Variants in RAB11FIP5 observed in about 807,000 individuals in gnomAD.
RAB11FIP5 encodes the protein RAB11 family interacting protein 5, also known as rab11 family-interacting protein 5.
RAB11FIP5 carries 48 observed loss-of-function variants against 85.1 expected under a neutral mutation model. The observed-to-expected ratio is 0.56, with a 90% CI of 0.45 to 0.72. The LOEUF is 0.72. Among genes scored for constraint, RAB11FIP5 ranks in the 30% least tolerant of loss-of-function variants. The probability of loss-of-function intolerance (pLI) is 0.00; values close to 1 mark genes in which losing one functional copy is unlikely to be tolerated. For synonymous variants in RAB11FIP5, 729 were observed against 727.3 expected (o/e 1.00, Z -0.04); for missense variants, 1,491 against 1,687.0 (o/e 0.88, Z 2.04).
At chr2:73,090,832 TA>T (rs1392176510) in intron 1 of RAB11FIP5, among the ~76,000 whole-genome samples, 1 of 152,200 alleles carries the variant, frequency 6.6e-6, no homozygotes, top group Non-Finnish European at 1.5e-5. Context: ...CATGCATTGT[TA>T]TACACCCACA....
At chr2:73,100,741 A>G (rs1306006853) in intron 1 of RAB11FIP5, among the ~76,000 whole-genome samples, 1 of 151,834 alleles carries the variant, frequency 6.6e-6, no homozygotes, top group East Asian at 1.9e-4. Flanking sequence ...CTGAAAAATA[A>G]TGGCCAAGAA....
In RAB11FIP5 at chr2:73,075,917, C is replaced by T; in HGVS notation, c.3771+76G>A. The T allele has an allele frequency of 6.5e-7, 1 of 1,534,498 alleles. No homozygotes were observed. The highest frequency in any genetic ancestry group is 1.2e-5 in the South Asian group (1 of 80,836). On this transcript the variant is annotated intron_variant, in intron 5 of 5. Transcript: ENST00000486777. This position sits in a 1 kb window ranked among gnomAD's most constrained non-coding sequence, Gnocchi z 4.6. ...GGGGGACCTGGCCTGCTCCCTGCCCCACCCTCACCAGGACCAAGCCCTGAG... is the reference window on the plus strand; with the variant it reads ...GGGGGACCTGGCCTGCTCCCTGCCCTACCCTCACCAGGACCAAGCCCTGAG...
At position 73,080,181 on chromosome 2, in the gene RAB11FIP5, G is replaced by A; in HGVS notation, c.3051C>T (p.His1017=). 8.1e-7 allele frequency: 1 copy of A among 1,232,262 alleles called. No individual in the cohort carries two copies. Among genetic ancestry groups the A allele is most frequent in the East Asian group, 3.2e-5 (1 of 31,680 alleles). 76.3% of individuals were successfully genotyped at this position (1,232,262 alleles called of 1,614,324 possible). A position where few individuals can be genotyped will look rare whatever the true frequency, so the allele number is the denominator to read the frequency against. The change falls in exon 4 of 6, where the codon CAC becomes CAT. Residue 1017 remains histidine (H), a synonymous_variant. Transcript: ENST00000486777. ...HSKSLALQSQ[H]IWGTPEVGEG... ...CTCCAACCTCTGGAGTCCCCCAGATGTGCTGACTCTGAAGAGCCAAGCTCT... is the reference window on the plus strand; with the variant it reads ...CTCCAACCTCTGGAGTCCCCCAGATATGCTGACTCTGAAGAGCCAAGCTCT...
At chr2:73,112,317 C>T (rs767888107) in intron 1 of RAB11FIP5, 30 bp downstream of exon 1, 55 of 1,543,664 alleles carry the variant, frequency 3.6e-5, no homozygotes, top group Non-Finnish European at 4.8e-5. Context: ...GGCCTTTAGC[C>T]GTTTCTGTGC....
intron 1 of RAB11FIP5, among the ~76,000 whole-genome samples, chr2:73,099,785 C>G (rs1465194437): frequency 1.3e-5 from 2 of 152,200 alleles, no homozygotes; most frequent in Non-Finnish European, 2.9e-5. Context: ...TGGTCCCCAC[C>G]TGAGCCTCAC....
chr2:73,088,621 G>A lies in RAB11FIP5; in HGVS notation c.997C>T (p.Arg333Cys), dbSNP rs140054897. The A allele has an allele frequency of 1.4e-5, 22 of 1,613,250 alleles. No homozygotes were observed. The highest frequency in any genetic ancestry group is 9.3e-5 in the African/African-American group (7 of 74,958). The change falls in exon 3 of 6, where the codon CGC (arginine) becomes TGC (cysteine). Residue 333 changes from arginine to cysteine, a missense_variant. By Grantham distance (180) the Arg-to-Cys change is radical. Coordinates refer to ENST00000486777, the MANE Select transcript of RAB11FIP5 (RefSeq NM_001371272.1). Reference sequence around the variant, plus strand: ...CTCCCATTGACACAGAGCGAAGAGCGGGAGGCAGCATCCAGGTGGCCCTGA... The same window carrying A: ...CTCCCATTGACACAGAGCGAAGAGCAGGAGGCAGCATCCAGGTGGCCCTGA... ...DLQGHLDAASRSSLCVNGSHI... is the reference protein window; with the variant it reads ...DLQGHLDAASCSSLCVNGSHI...
At chr2:73,100,639 T>C (rs1381706078) in intron 1 of RAB11FIP5, among the ~76,000 whole-genome samples, 2 of 152,124 alleles carry the variant, frequency 1.3e-5, no homozygotes, top group African/African-American at 2.4e-5. Context: ...TTGGCCAGGC[T>C]GGTCTTGAAC....
At chr2:73,112,326 G>GC (rs773022227) in intron 1 of RAB11FIP5, 21 bp downstream of exon 1, 8 of 1,550,788 alleles carry the variant, frequency 5.2e-6, no homozygotes, top group Admixed American at 2.0e-5. Context: ...CCGTTTCTGT[G>GC]CCCCCGCGCC....
chr2:73,103,723 T>C (rs1684471973), intron 1 of RAB11FIP5, among the ~76,000 whole-genome samples: 1 of 152,174 alleles, frequency 6.6e-6, no homozygotes, highest in Non-Finnish European at 1.5e-5. Context: ...GATGTGGGTT[T>C]ATTGTCTATC....
Position 73,109,984 on chromosome 2 carries a change from T to C in RAB11FIP5, c.431+2363A>G, listed in dbSNP as rs1684607674. 2.0e-5 allele frequency among the ~76,000 whole-genome samples: 3 copies of C among 152,202 alleles called. No homozygotes were observed. In the South Asian group the frequency reaches 6.2e-4, roughly 32 times the overall value. ...CATATGAAGGTATAAATTATCTCCATTTTACAGACGTGAAAACTGAGGCAC... is the reference window on the plus strand; with the variant it reads ...CATATGAAGGTATAAATTATCTCCACTTTACAGACGTGAAAACTGAGGCAC... On this transcript the variant is annotated intron_variant, in intron 1 of 5. Coordinates refer to ENST00000486777, the MANE Select transcript of RAB11FIP5 (RefSeq NM_001371272.1).
chr2:73,100,791 T>C (rs1684414582), intron 1 of RAB11FIP5, among the ~76,000 whole-genome samples: 1 of 151,320 alleles, frequency 6.6e-6, no homozygotes, highest in Non-Finnish European at 1.5e-5. Flanking sequence ...TTTTTGGTTG[T>C]GTTTTTTTGT....
chr2:73,102,517 G>A (rs1009294612), intron 1 of RAB11FIP5, among the ~76,000 whole-genome samples: 2 of 152,232 alleles, frequency 1.3e-5, no homozygotes, highest in African/African-American at 4.8e-5. Context: ...GCCTGAACTA[G>A]GACAGGAACA....
At chr2:73,110,236 G>A (rs1574307688) in intron 1 of RAB11FIP5, among the ~76,000 whole-genome samples, 1 of 152,324 alleles carries the variant, frequency 6.6e-6, no homozygotes, top group Non-Finnish European at 1.5e-5. Flanking sequence ...GTACACCCTG[G>A]TCTTCTCTGC....
chr2:73,112,671 G>C lies in RAB11FIP5; in HGVS notation c.107C>G (p.Ser36Trp). ...LRARGLRGKS[S>W]GAGSTSDAYT... ...CGCGTCGCTGGTGCTGCCCGCTCCC[G>C]AGCTCTTGCCCCGCAGCCCGCGGGC... The change falls in exon 1 of 6, where the codon TCG becomes TGG. Residue 36 changes from serine to tryptophan, a missense_variant. This residue lies in a region of RAB11FIP5 where 1,211 missense variants were observed against 1,338.0 expected (regional missense o/e 0.91). Coordinates refer to ENST00000486777, the MANE Select transcript of RAB11FIP5 (RefSeq NM_001371272.1). 6.3e-7 allele frequency: 1 copy of C among 1,593,472 alleles called. No homozygotes were observed. Among genetic ancestry groups the C allele is most frequent in the East Asian group, 2.3e-5 (1 of 43,328 alleles).
Position 73,075,791 on chromosome 2 carries a change from C to CGCTT in RAB11FIP5, c.3772-68_3772-67insAAGC. On this transcript the variant is annotated intron_variant, in intron 5 of 5. Coordinates refer to ENST00000486777, the MANE Select transcript of RAB11FIP5 (RefSeq NM_001371272.1). This position sits in a 1 kb window ranked among gnomAD's most constrained non-coding sequence, Gnocchi z 4.6. Reference sequence around the variant, plus strand: ...CTGCCTGCCTGCCTGCCCGCTTGCCCGCCCGCCCGCCTGCCCACCAACACC... The same window carrying CGCTT: ...CTGCCTGCCTGCCTGCCCGCTTGCCCGCTTGCCCGCCCGCCTGCCCACCAACACC... The CGCTT allele has an allele frequency of 6.8e-7, 1 of 1,478,992 alleles. No individual in the cohort carries two copies. Among genetic ancestry groups the CGCTT allele is most frequent in the Non-Finnish European group, 9.1e-7 (1 of 1,093,344 alleles). The allele number at this position is 1,478,992 out of a possible 1,614,324, so 91.6% of individuals were successfully genotyped here. A position where few individuals can be genotyped will look rare whatever the true frequency, so the allele number is the denominator to read the frequency against.
chr2:73,080,122 T>A lies in RAB11FIP5; in HGVS notation c.3110A>T (p.Asp1037Val). Reference protein sequence around the residue: ...GPEAPEAQGQDPVGEGLGSLS... With the variant: ...GPEAPEAQGQVPVGEGLGSLS... ...GGACCCAAGCCCCTCTCCTACTGGA[T>A]CCTGGCCCTGGGCCTCAGGAGCCTC... Residue 1037 changes from aspartate to valine, a missense_variant, in exon 4 of 6, where the codon GAT (aspartate) becomes GTT (valine). By Grantham distance (152) the Asp-to-Val change is radical. Around this residue, in one of 3 missense-constraint regions of RAB11FIP5, gnomAD observed 1,211 missense variants for 1,338.0 expected, o/e 0.91. Coordinates refer to ENST00000486777, the MANE Select transcript of RAB11FIP5 (RefSeq NM_001371272.1). The A allele has an allele frequency of 6.5e-6, 8 of 1,232,148 alleles. No homozygotes were observed. Among genetic ancestry groups the A allele is most frequent in the Non-Finnish European group, 8.1e-6 (8 of 988,020 alleles). 76.3% of individuals were successfully genotyped at this position (1,232,148 alleles called of 1,614,324 possible). A position where few individuals can be genotyped will look rare whatever the true frequency, so the allele number is the denominator to read the frequency against.
At chr2:73,090,008 A>T (rs1340462443) in intron 1 of RAB11FIP5, among the ~76,000 whole-genome samples, 1 of 152,182 alleles carries the variant, frequency 6.6e-6, no homozygotes, top group Non-Finnish European at 1.5e-5. Context: ...GACCCAGGAA[A>T]GACGAAGAGC....
Position 73,079,641 on chromosome 2 carries a change from G to A in RAB11FIP5, c.3581+10C>T. On this transcript the variant is annotated intron_variant, in intron 4 of 5. Transcript: ENST00000486777. The stretch of plus-strand genomic sequence containing the variant: ...TCCTCCTGGACAGTGTTCTGGGGGT[G>A]GATGCTCACCTGGCACTGGGCTGTG... 3 of 1,232,888 alleles carry A rather than the reference G, an allele frequency of 2.4e-6. No homozygotes were observed. The highest frequency in any genetic ancestry group is 3.0e-6 in the Non-Finnish European group (3 of 988,528). The allele number at this position is 1,232,888 out of a possible 1,614,324, so 76.4% of individuals were successfully genotyped here. A position where few individuals can be genotyped will look rare whatever the true frequency, so the allele number is the denominator to read the frequency against.
chr2:73,106,233 CAAT>C (rs1394583142), intron 1 of RAB11FIP5, among the ~76,000 whole-genome samples: 1 of 152,168 alleles, frequency 6.6e-6, no homozygotes, highest in Non-Finnish European at 1.5e-5. Context: ...ACCAACGAGG[CAAT>C]GAAAATAATG....
Sources: gnomAD v4.1 joint callset for allele counts (sites outside exome capture counted in the v4.1 genomes callset) on GRCh38, gnomAD v4.1.1 for gene constraint, gnomAD v4.1.1 regional missense constraint, Gnocchi (gnomAD v3.1) non-coding constraint, MANE v1.5 for transcripts, NCBI Gene and HGNC (gene_info 2026-07-23, HGNC 2026-07-21) for gene names.